Variants in PIK3C2G observed in about 807,000 individuals in gnomAD.
PIK3C2G encodes the protein phosphatidylinositol 3-kinase C2 domain-containing subunit gamma.
Under a neutral mutation model 181.1 loss-of-function variants are expected in PIK3C2G, and 168 were observed. The observed-to-expected ratio is 0.93, with a 90% CI of 0.82 to 1.05. The LOEUF is 1.05. PIK3C2G is among the 50% of genes least tolerant of loss of function. The pLI is 0.00. For missense variants in PIK3C2G, 1,869 were observed against 1,732.8 expected (o/e 1.08, Z -1.40); for synonymous variants, 573 against 592.2 (o/e 0.97, Z 0.47).
intron 16 of PIK3C2G, among the ~76,000 whole-genome samples, chr12:18,400,225 T>G (rs1316669051): frequency 1.3e-5 from 2 of 152,154 alleles, no homozygotes; most frequent in African/African-American, 4.8e-5. Flanking sequence ...AAATGCCCTG[T>G]GTAAAGTAGT....
intron 24 of PIK3C2G, among the ~76,000 whole-genome samples, chr12:18,534,897 C>T (rs1345228188): frequency 6.7e-6 from 1 of 149,690 alleles, no homozygotes; most frequent in Non-Finnish European, 1.5e-5. Flanking sequence ...AAAGGTAAAA[C>T]CACTAATCTA....
At chr12:18,666,564 T>C in the PIK3C2G span, among the ~76,000 whole-genome samples, 2 of 152,084 alleles carry the variant, frequency 1.3e-5, no homozygotes, top group Admixed American at 6.6e-5. Flanking sequence ...CCCCAAAATA[T>C]GTGAAGCAAA....
downstream of PIK3C2G, among the ~76,000 whole-genome samples, chr12:18,650,293 TTCTCTCTCTCTCTC>T (rs140285960): frequency 0.07 from 6,135 of 87,636 alleles, 342 homozygotes; most frequent in African/African-American, 0.15. Flanking sequence ...TAACCCAAAT[TTCTCTCTCTCTCTC>T]TCTCTCTCTC....
At chr12:18,466,619 T>C (rs1372894522) in intron 18 of PIK3C2G, among the ~76,000 whole-genome samples, 1 of 151,992 alleles carries the variant, frequency 6.6e-6, no homozygotes, top group East Asian at 1.9e-4. Context: ...AGGAATATTT[T>C]TAGTGAGTGC....
intron 29 of PIK3C2G, among the ~76,000 whole-genome samples, chr12:18,580,362 G>A (rs1946436476): frequency 6.6e-6 from 1 of 152,050 alleles, no homozygotes; most frequent in Admixed American, 6.6e-5. Context: ...ATTACTTAAG[G>A]TTTAAGCAGT....
intron 3 of PIK3C2G, 78 bp downstream of exon 3, chr12:18,287,007 T>C: frequency 1.7e-6 from 1 of 575,532 alleles, no homozygotes. Flanking sequence ...ACTGAACTGA[T>C]TAATTTTGCA....
At chr12:18,268,299 A>G (rs1434300724) in intron 1 of PIK3C2G, among the ~76,000 whole-genome samples, 2 of 152,072 alleles carry the variant, frequency 1.3e-5, no homozygotes, top group Non-Finnish European at 2.9e-5. Flanking sequence ...TTCATAAAAT[A>G]TTTGCTTAAT....
chr12:18,376,273 T>G (rs1311365930), intron 13 of PIK3C2G, among the ~76,000 whole-genome samples: 1 of 152,188 alleles, frequency 6.6e-6, no homozygotes, highest in South Asian at 2.1e-4. Context: ...GCTTGGAATG[T>G]GGGATATGGA....
At chr12:18,683,548 C>G in the PIK3C2G span, 1 of 1,500,088 alleles carries the variant, frequency 6.7e-7, no homozygotes, top group Non-Finnish European at 8.9e-7. Flanking sequence ...TCATACTTCT[C>G]CTTCCGCAAA....
intron 24 of PIK3C2G, among the ~76,000 whole-genome samples, chr12:18,508,515 T>A (rs1941991129): frequency 6.6e-6 from 1 of 152,180 alleles, no homozygotes; most frequent in South Asian, 2.1e-4. Flanking sequence ...GACCTTTGTA[T>A]TCCCCTAGGA....
the PIK3C2G span, among the ~76,000 whole-genome samples, chr12:18,697,084 A>G: frequency 6.6e-6 from 1 of 152,040 alleles, no homozygotes; most frequent in South Asian, 2.1e-4. Context: ...TTTGAACACA[A>G]ATTTCATGCT....
rs778223749 is a variant in PIK3C2G, at chr12:18,282,281, C to T, written c.200C>T (p.Thr67Ile). ...GATGAAAACACCTTTTTTGTGCCCA[C>T]TGCACCAAAATGGGACTCAACAGGG... is the stretch of plus-strand genomic sequence containing the variant. ...EIDENTFFVPTAPKWDSTGHS... is the reference protein window; with the variant it reads ...EIDENTFFVPIAPKWDSTGHS... The change falls in exon 2 of 33, where the codon ACT becomes ATT. Residue 67 changes from threonine (T) to isoleucine (I), a missense_variant. Transcript: ENST00000538779. The T allele has an allele frequency of 8.1e-6, 13 of 1,612,910 alleles. No homozygotes were observed. In the Admixed American group the frequency reaches 2.0e-4, roughly 25 times the overall value.
At chr12:18,435,849 G>C (rs917233183) in intron 18 of PIK3C2G, among the ~76,000 whole-genome samples, 12 of 151,388 alleles carry the variant, frequency 7.9e-5, no homozygotes, top group African/African-American at 2.9e-4. Context: ...TCTGACCTTG[G>C]CTCCCTTGTA....
the PIK3C2G span, among the ~76,000 whole-genome samples, chr12:18,672,456 C>T: frequency 2.4e-3 from 372 of 151,986 alleles, 1 homozygote; most frequent in Admixed American, 3.1e-3. Context: ...AGTCAAATGA[C>T]TTGAAAAAAA....
rs145111720 is a variant in PIK3C2G, at chr12:18,416,809, G to C, written c.2316-4132G>C. Among the ~76,000 whole-genome samples, 29 of 152,294 alleles carry C rather than the reference G, an allele frequency of 1.9e-4. No individual in the cohort carries two copies. The East Asian group carries it at 4.8e-3, about 25-fold the overall frequency. On this transcript the variant is annotated intron_variant, in intron 16 of 32. Transcript: ENST00000538779. ...AGCTCTGATGGCGATGTATAGGGAG[G>C]TTAATGTTGTTTTCATGCCTGCTAA...
chr12:18,492,065 T>C (rs1403680368), intron 20 of PIK3C2G, among the ~76,000 whole-genome samples: 1 of 152,212 alleles, frequency 6.6e-6, no homozygotes, highest in African/African-American at 2.4e-5. Flanking sequence ...CATCTTGGCA[T>C]TGTCAGACTC....
At chr12:18,591,691 T>A (rs1592663874) in intron 29 of PIK3C2G, among the ~76,000 whole-genome samples, 1 of 151,954 alleles carries the variant, frequency 6.6e-6, no homozygotes, top group African/African-American at 2.4e-5. Flanking sequence ...CAGCAGTTGG[T>A]CTGTTTCCTA....
chr12:18,681,128 G>A, the PIK3C2G span, among the ~76,000 whole-genome samples: 1 of 151,944 alleles, frequency 6.6e-6, no homozygotes, highest in Non-Finnish European at 1.5e-5. Context: ...ACTGTTTATT[G>A]TTCAACAAGG....
At chr12:18,338,571 C>G in intron 9 of PIK3C2G, 23 bp downstream of exon 9, 1 of 1,524,872 alleles carries the variant, frequency 6.6e-7, no homozygotes, top group Non-Finnish European at 9.0e-7. Context: ...ATTTATTACA[C>G]AGTAGTTTTA....
Sources: allele counts gnomAD v4.1 joint callset (sites outside exome capture counted in the v4.1 genomes callset), GRCh38; gene constraint gnomAD v4.1.1; transcripts MANE v1.5; gene names NCBI Gene and HGNC (gene_info 2026-07-23, HGNC 2026-07-21).